The following LRP1B variants were observed in gnomAD, a reference collection of about 807,000 sequenced individuals.
LRP1B encodes low-density lipoprotein receptor-related protein 1B.
In LRP1B, 217 loss-of-function variants were observed where a neutral mutation model predicts 556.6. That is an observed-to-expected ratio of 0.39 (90% CI 0.35 to 0.44). The LOEUF (loss-of-function observed/expected upper bound fraction) is 0.44. Ranked by LOEUF, LRP1B falls within the 20% of genes least tolerant of loss-of-function variation. The pLI is 1.00. For synonymous variants in LRP1B, 2,047 were observed against 1,865.8 expected (o/e 1.10, Z -2.50); for missense variants, 5,053 against 5,620.8 (o/e 0.90, Z 3.23).
chr2:141,419,351 C>T (rs1680057556), intron 3 of LRP1B, among the ~76,000 whole-genome samples: 1 of 152,088 alleles, frequency 6.6e-6, no homozygotes, highest in Admixed American at 6.5e-5. Flanking sequence ...GAGAAGGATC[C>T]ATGTTTATTC....
chr2:140,674,456 C>A (rs1178190071), intron 41 of LRP1B, among the ~76,000 whole-genome samples: 1 of 152,174 alleles, frequency 6.6e-6, no homozygotes, highest in Non-Finnish European at 1.5e-5. Flanking sequence ...CTGGTCTCCA[C>A]AACCCCTTTT....
At chr2:141,581,408 T>C (rs1686954784) in intron 2 of LRP1B, among the ~76,000 whole-genome samples, 1 of 152,204 alleles carries the variant, frequency 6.6e-6, no homozygotes, top group South Asian at 2.1e-4. Flanking sequence ...TTACATCTTT[T>C]ATTTTTTTGG....
chr2:141,585,394 G>T (rs1687101141), intron 2 of LRP1B, among the ~76,000 whole-genome samples: 1 of 149,948 alleles, frequency 6.7e-6, no homozygotes, highest in Non-Finnish European at 1.5e-5. Flanking sequence ...CAAATGTAAA[G>T]AAGTGCTTGT....
intron 41 of LRP1B, among the ~76,000 whole-genome samples, chr2:140,647,929 T>C (rs935969839): frequency 6.6e-6 from 1 of 152,154 alleles, no homozygotes; most frequent in African/African-American, 2.4e-5. Flanking sequence ...CCCAGTGATC[T>C]CATTACTGGG....
rs796916586 is a variant in LRP1B, at chr2:140,518,138, C to G, written c.8027-1127G>C. Among the ~76,000 whole-genome samples the G allele has an allele frequency of 3.3e-5, 5 of 152,146 alleles. No individual in the cohort carries two copies. In the East Asian group the frequency reaches 9.7e-4, roughly 29 times the overall value. On this transcript the variant is annotated intron_variant, in intron 49 of 90. Transcript: ENST00000389484. ...TATATCCCAATCACACTATAATGGT[C>G]TATTATGGCTATTTTAAGATAACAA... is the stretch of plus-strand genomic sequence containing the variant.
chr2:141,131,613 G>C (rs1416971575), intron 7 of LRP1B, among the ~76,000 whole-genome samples: 1 of 150,966 alleles, frequency 6.6e-6, no homozygotes, highest in Non-Finnish European at 1.5e-5. Context: ...CTGAACAAAA[G>C]AAATTAATTA....
chr2:140,558,953 A>C (rs551814917), intron 43 of LRP1B, among the ~76,000 whole-genome samples: 1,660 of 152,092 alleles, frequency 0.011, 25 homozygotes, highest in African/African-American at 0.035. Context: ...AAAAAAAAAA[A>C]AAACAAACTT....
At chr2:141,234,538 G>C (rs186362441) in intron 5 of LRP1B, among the ~76,000 whole-genome samples, 1 of 151,758 alleles carries the variant, frequency 6.6e-6, no homozygotes, top group Non-Finnish European at 1.5e-5. Flanking sequence ...CACCATGCCC[G>C]ATTAATTTTT....
At position 140,492,663 on chromosome 2, in the gene LRP1B, T is replaced by A. The variant is rs2104863413; in HGVS notation, c.9065A>T (p.His3022Leu). Residue 3022 changes from histidine to leucine, a missense_variant, in exon 57 of 91, where the codon CAT becomes CTT. By Grantham distance (99) the His-to-Leu change is moderately conservative. Around this residue, in one of 5 missense-constraint regions of LRP1B, gnomAD observed 3,619 missense variants for 3,931.9 expected, o/e 0.92. Transcript: ENST00000389484. The part of the protein sequence containing the change: ...DEEPFLILAD[H>L]HEIRKISTDG... ...AGTGCTAATTTTCCTTATCTCATGA[T>A]GATCAGCAAGAATTAAAAAAGGTTC... 1 of 1,613,608 alleles carries A rather than the reference T, an allele frequency of 6.2e-7. No individual in the cohort carries two copies. The highest frequency in any genetic ancestry group is 8.5e-7 in the Non-Finnish European group (1 of 1,179,592).
chr2:141,949,841 A>G (rs920884965), intron 1 of LRP1B, among the ~76,000 whole-genome samples: 1 of 151,834 alleles, frequency 6.6e-6, no homozygotes, highest in African/African-American at 2.4e-5. Context: ...TCTCTAATAA[A>G]GATATGCATT....
intron 35 of LRP1B, among the ~76,000 whole-genome samples, chr2:140,762,072 G>A (rs1472022225): frequency 6.6e-6 from 1 of 151,986 alleles, no homozygotes; most frequent in Non-Finnish European, 1.5e-5. Context: ...CAGTCTAGCA[G>A]GGGCAATCCT....
chr2:140,742,115 C>G (rs1275414705), intron 35 of LRP1B, among the ~76,000 whole-genome samples: 2 of 152,152 alleles, frequency 1.3e-5, no homozygotes, highest in African/African-American at 4.8e-5. Flanking sequence ...AAGAATGGAG[C>G]ATCTAAATCC....
At chr2:140,898,794 C>T (rs753851076) in intron 23 of LRP1B, 90 of 547,278 alleles carry the variant, frequency 1.6e-4, no homozygotes, top group Non-Finnish European at 2.5e-4. Context: ...AGCGCTATCA[C>T]CCAACTTTGT....
intron 3 of LRP1B, among the ~76,000 whole-genome samples, chr2:141,276,658 C>CTTTTTTTTTT (rs11353705): frequency 1.6e-5 from 2 of 122,924 alleles, no homozygotes; most frequent in African/African-American, 6.2e-5. Flanking sequence ...TTCTTTCTTT[C>CTTTTTTTTTT]TTTTTTTTTT....
chr2:140,611,424 A>G (rs1229150420), intron 41 of LRP1B, among the ~76,000 whole-genome samples: 1 of 152,152 alleles, frequency 6.6e-6, no homozygotes, highest in Non-Finnish European at 1.5e-5. Context: ...AATGTGAAAG[A>G]CAGAAGGATA....
In LRP1B at chr2:141,037,456, G is replaced by T. The variant is rs147180203; in HGVS notation, c.1789+11530C>A. Among the ~76,000 whole-genome samples the T allele has an allele frequency of 4.9e-3, 753 of 152,122 alleles. 3 individuals are homozygous for T. The highest frequency in any genetic ancestry group is 0.016 in the African/African-American group (663 of 41,512). On this transcript the variant is annotated intron_variant, in intron 11 of 90. Transcript: ENST00000389484. ...TGCCTCTATGAGGACTTTGAACTTA[G>T]CTCTCTTCAGTTGATTTTTTTTCCA...
At chr2:141,070,524 T>C (rs1182754406) in intron 7 of LRP1B, among the ~76,000 whole-genome samples, 1 of 151,564 alleles carries the variant, frequency 6.6e-6, no homozygotes, top group African/African-American at 2.4e-5. Context: ...CTGAAGGAAA[T>C]AGAGACACAA....
At chr2:141,817,511 G>A (rs1199845852) in intron 1 of LRP1B, among the ~76,000 whole-genome samples, 1 of 151,888 alleles carries the variant, frequency 6.6e-6, no homozygotes, top group South Asian at 2.1e-4. Flanking sequence ...AAATATTTTT[G>A]AAAGTTTGAT....
intron 41 of LRP1B, among the ~76,000 whole-genome samples, chr2:140,697,003 T>C (rs779643383): frequency 3.9e-5 from 6 of 152,200 alleles, no homozygotes; most frequent in Non-Finnish European, 5.9e-5. Context: ...TGGGTTGATT[T>C]TCCATTTTGT....
Sources: gnomAD v4.1 joint callset for allele counts (sites outside exome capture counted in the v4.1 genomes callset) on GRCh38, gnomAD v4.1.1 for gene constraint, gnomAD v4.1.1 regional missense constraint, MANE v1.5 for transcripts, NCBI Gene and HGNC (gene_info 2026-07-23, HGNC 2026-07-21) for gene names.